The following KMT2C variants were observed in gnomAD, a reference collection of about 807,000 sequenced individuals.
KMT2C encodes the protein lysine methyltransferase 2C.
Under a neutral mutation model 507.9 loss-of-function variants are expected in KMT2C, and 88 were observed. The observed-to-expected ratio is 0.17, with a 90% CI of 0.15 to 0.21. The LOEUF is 0.21. Ranked by LOEUF, KMT2C falls within the 10% of genes least tolerant of loss-of-function variation. The pLI is 1.00. For synonymous variants in KMT2C, 2,049 were observed against 2,080.8 expected (o/e 0.98, Z 0.42); for missense variants, 4,954 against 5,957.8 (o/e 0.83, Z 5.55).
chr7:152,346,396 C>T (rs929694333), intron 2 of KMT2C, among the ~76,000 whole-genome samples: 1 of 152,146 alleles, frequency 6.6e-6, no homozygotes, highest in Non-Finnish European at 1.5e-5. Flanking sequence ...TCTCAGATCA[C>T]GTCAGAATTC....
intron 38 of KMT2C, 113 bp from the exon 39 acceptor site, chr7:152,174,355 T>C: frequency 1.7e-6 from 1 of 590,220 alleles, no homozygotes; most frequent in Non-Finnish European, 2.9e-6. Context: ...TCATTACAGA[T>C]TTCTGAGATG....
intron 58 of KMT2C, 183 bp from the exon 59 acceptor site, chr7:152,137,107 A>C: frequency 1.8e-6 from 1 of 557,782 alleles, no homozygotes; most frequent in Non-Finnish European, 3.2e-6. Context: ...GCTTGCACAG[A>C]GGAAATGAGG....
intron 1 of KMT2C, among the ~76,000 whole-genome samples, chr7:152,410,816 G>A (rs918529939): frequency 6.6e-5 from 10 of 151,556 alleles, no homozygotes; most frequent in African/African-American, 2.4e-4. Flanking sequence ...GGGCAACATC[G>A]AGAGACGCCG....
chr7:152,142,863 TA>T (rs2090726851), intron 55 of KMT2C, among the ~76,000 whole-genome samples: 1 of 152,136 alleles, frequency 6.6e-6, no homozygotes, highest in Non-Finnish European at 1.5e-5. Context: ...TATATGTACA[TA>T]AAAGTGTATA....
At chr7:152,282,317 AAG>A (rs2096231840) in intron 6 of KMT2C, among the ~76,000 whole-genome samples, 1 of 141,448 alleles carries the variant, frequency 7.1e-6, no homozygotes, top group African/African-American at 2.5e-5. Context: ...AAAAGAAAGA[AAG>A]AAAAGAAAGT....
chr7:152,197,285 A>G (rs2129131672), intron 27 of KMT2C, among the ~76,000 whole-genome samples: 1 of 152,364 alleles, frequency 6.6e-6, no homozygotes, highest in African/African-American at 2.4e-5. Flanking sequence ...GGCTTAACCA[A>G]GAAACTATTG....
At chr7:152,205,047 A>G (rs1462311657) in intron 25 of KMT2C, 59 bp downstream of exon 25, 1 of 1,093,192 alleles carries the variant, frequency 9.1e-7, no homozygotes, top group Non-Finnish European at 1.3e-6. Context: ...TTCCAATAGA[A>G]ATATCAAGAC....
intron 1 of KMT2C, among the ~76,000 whole-genome samples, chr7:152,400,385 G>A (rs1004633447): frequency 2.6e-5 from 4 of 152,166 alleles, no homozygotes; most frequent in African/African-American, 9.7e-5. Context: ...AAAGTATTTT[G>A]CTTATTGTAA....
intron 14 of KMT2C, among the ~76,000 whole-genome samples, chr7:152,244,903 G>A (rs1378746631): frequency 6.6e-6 from 1 of 151,960 alleles, no homozygotes; most frequent in African/African-American, 2.4e-5. Flanking sequence ...CCATATGAAA[G>A]GAAAAATACA....
rs944644971 is a variant in KMT2C, at chr7:152,401,328, C to T, written c.161+34298G>A. Among the ~76,000 whole-genome samples, 6 of 152,078 alleles carry T rather than the reference C, an allele frequency of 3.9e-5. No homozygotes were observed. In the South Asian group the frequency reaches 8.3e-4, roughly 21 times the overall value. On this transcript the variant is annotated intron_variant, in intron 1 of 58. Coordinates refer to ENST00000262189, the MANE Select transcript of KMT2C (RefSeq NM_170606.3). ...CTCCCGCCCTCAGGTGATCAGCCCG[C>T]CTCAGCCTCCCGAAGTGCTGGGATT...
intron 51 of KMT2C, 105 bp from the exon 52 acceptor site, chr7:152,149,257 G>A (rs2091409441): frequency 9.3e-7 from 1 of 1,072,010 alleles, no homozygotes; most frequent in East Asian, 2.8e-5. Context: ...GAGGATGGGT[G>A]ACCTGAGGGG....
At position 152,151,471 on chromosome 7, in the gene KMT2C, A is replaced by C; in HGVS notation, c.12637T>G (p.Ser4213Ala). The C allele has an allele frequency of 6.2e-7, 1 of 1,614,186 alleles. No individual in the cohort carries two copies. The highest frequency in any genetic ancestry group is 8.5e-7 in the Non-Finnish European group (1 of 1,180,008). The change falls in exon 50 of 59, where the codon TCT (serine) becomes GCT (alanine). Residue 4213 changes from serine to alanine, a missense_variant. Transcript: ENST00000262189. The part of the protein sequence containing the change: ...VVILGSGVRK[S>A]FKDLTLLNKD... ...TTCAAAAGGGTCAGATCTTTGAAAG[A>C]TTTCCGCACACCACTTCCAAGAATA...
chr7:152,424,809 T>C (rs545368573), intron 1 of KMT2C, among the ~76,000 whole-genome samples: 2 of 152,250 alleles, frequency 1.3e-5, no homozygotes, highest in Admixed American at 6.5e-5. Flanking sequence ...GACACTGAGA[T>C]AGTTAAGCCT....
At chr7:152,294,926 G>T (rs946269161) in intron 6 of KMT2C, among the ~76,000 whole-genome samples, 1 of 151,996 alleles carries the variant, frequency 6.6e-6, no homozygotes, top group South Asian at 2.1e-4. Context: ...TCCAAAGTCA[G>T]TTTGATTTGC....
intron 4 of KMT2C, among the ~76,000 whole-genome samples, chr7:152,314,171 T>C (rs2096700941): frequency 6.6e-6 from 1 of 152,166 alleles, no homozygotes. Flanking sequence ...CTCCCTCTTT[T>C]TATTGTTTCA....
chr7:152,179,673 G>C (rs535464025), intron 37 of KMT2C, among the ~76,000 whole-genome samples, 161 bp downstream of exon 37: 13 of 93,886 alleles, frequency 1.4e-4, no homozygotes, highest in Middle Eastern at 6.0e-3. Context: ...GGGGGGGGGG[G>C]GTGGTCTCAC....
At chr7:152,359,196 C>T (rs1353084886) in intron 1 of KMT2C, among the ~76,000 whole-genome samples, 2 of 146,232 alleles carry the variant, frequency 1.4e-5, no homozygotes, top group African/African-American at 5.1e-5. Flanking sequence ...GTCCACCTTA[C>T]AAGCATAATA....
intron 6 of KMT2C, among the ~76,000 whole-genome samples, chr7:152,286,678 T>C (rs1468789779): frequency 2.0e-5 from 3 of 152,082 alleles, no homozygotes; most frequent in African/African-American, 7.2e-5. Flanking sequence ...CCCTTAGCCG[T>C]GATACATAAG....
chr7:152,252,114 TAA>T (rs753777989), intron 10 of KMT2C, 24 bp from the exon 11 acceptor site: 2 of 1,526,716 alleles, frequency 1.3e-6, no homozygotes, highest in South Asian at 1.3e-5. Context: ...TATACTTAAA[TAA>T]AAATTTCTAA....
Sources: gnomAD v4.1 joint callset for allele counts (sites outside exome capture counted in the v4.1 genomes callset) on GRCh38, gnomAD v4.1.1 for gene constraint, MANE v1.5 for transcripts, NCBI Gene and HGNC (gene_info 2026-07-23, HGNC 2026-07-21) for gene names.